Variants in ARSB observed in about 807,000 individuals in gnomAD.
ARSB encodes the protein N-acetylgalactosamine-4-sulfatase.
ARSB carries 41 observed loss-of-function variants against 50.9 expected under a neutral mutation model. The observed-to-expected ratio is 0.81, with a 90% CI of 0.63 to 1.04. The LOEUF is 1.04. Ranked by LOEUF, ARSB falls within the 50% of genes least tolerant of loss-of-function variation. The probability of loss-of-function intolerance (pLI) is 0.00; values close to 1 mark genes in which losing one functional copy is unlikely to be tolerated. For missense variants in ARSB, 672 were observed against 693.3 expected (o/e 0.97, Z 0.35); for synonymous variants, 269 against 284.8 (o/e 0.94, Z 0.56).
intron 6 of ARSB, among the ~76,000 whole-genome samples, chr5:78,830,793 C>T (rs1480306601): frequency 1.3e-5 from 2 of 152,120 alleles, no homozygotes; most frequent in Non-Finnish European, 2.9e-5. Context: ...TGATTGAGGG[C>T]ATGTAGCAAC....
In ARSB at chr5:78,891,953, G is replaced by A. The variant is rs375082696; in HGVS notation, c.899-6126C>T. Among the ~76,000 whole-genome samples the A allele has an allele frequency of 1.2e-4, 18 of 152,150 alleles. No individual in the cohort carries two copies. The East Asian group carries it at 1.5e-3, about 13-fold the overall frequency. On this transcript the variant is annotated intron_variant, in intron 4 of 7. Transcript: ENST00000264914. ...GAACTGAGAGGAGCTAAGCACTGTG[G>A]GTTTGGGCAAGTACTCAATCTCTGA...
intron 4 of ARSB, among the ~76,000 whole-genome samples, chr5:78,912,534 T>TA (rs375581736): frequency 6.6e-6 from 1 of 152,130 alleles, no homozygotes; most frequent in South Asian, 2.1e-4. Flanking sequence ...CTGTAGGAGG[T>TA]AAAAAGGAAC....
intron 4 of ARSB, among the ~76,000 whole-genome samples, chr5:78,926,894 T>A (rs337893): frequency 0.61 from 92,192 of 152,134 alleles, 28,402 homozygotes; most frequent in East Asian, 0.78. Flanking sequence ...GAAATTAATT[T>A]TTTTTGAGAC....
At chr5:78,966,770 G>A (rs1752223526) in intron 2 of ARSB, among the ~76,000 whole-genome samples, 1 of 152,082 alleles carries the variant, frequency 6.6e-6, no homozygotes, top group African/African-American at 2.4e-5. Context: ...CCAGAGTATA[G>A]ATATTGACTC....
intron 5 of ARSB, among the ~76,000 whole-genome samples, chr5:78,855,572 C>T (rs192825160): frequency 6.6e-6 from 1 of 152,294 alleles, no homozygotes; most frequent in Admixed American, 6.5e-5. Context: ...GAGCAAGACA[C>T]ATCCAGCCAT....
intron 4 of ARSB, among the ~76,000 whole-genome samples, chr5:78,946,972 C>T (rs1040707238): frequency 6.6e-6 from 1 of 152,078 alleles, no homozygotes; most frequent in Non-Finnish European, 1.5e-5. Flanking sequence ...AAAAATAAAT[C>T]CATACATCTA....
At chr5:78,873,640 C>A (rs187325342) in intron 5 of ARSB, among the ~76,000 whole-genome samples, 1 of 148,858 alleles carries the variant, frequency 6.7e-6, no homozygotes, top group Non-Finnish European at 1.5e-5. Flanking sequence ...GGACTACAGG[C>A]GCCCGCCACT....
intron 4 of ARSB, among the ~76,000 whole-genome samples, chr5:78,937,169 C>G (rs1036419467): frequency 1.3e-5 from 2 of 151,022 alleles, no homozygotes; most frequent in Non-Finnish European, 1.5e-5. Context: ...AAATGGAGTG[C>G]AAAAGATGAG....
intron 6 of ARSB, among the ~76,000 whole-genome samples, chr5:78,790,534 C>G (rs17218427): frequency 0.024 from 3,596 of 152,190 alleles, 69 homozygotes; most frequent in Non-Finnish European, 0.037. Context: ...AGTAGAATAT[C>G]TGTTATATTG....
At chr5:78,816,110 C>T in intron 6 of ARSB, 1 of 1,614,110 alleles carries the variant, frequency 6.2e-7, no homozygotes, top group East Asian at 2.2e-5. Context: ...AGCACTCAGG[C>T]CAGTCTGTAA....
At chr5:78,861,042 C>G (rs542068638) in intron 5 of ARSB, among the ~76,000 whole-genome samples, 4 of 152,202 alleles carry the variant, frequency 2.6e-5, no homozygotes, top group African/African-American at 9.7e-5. Context: ...GACACACACA[C>G]CCTCCCAAGA....
chr5:78,911,943 A>G (rs977792959), intron 4 of ARSB, among the ~76,000 whole-genome samples: 2 of 152,196 alleles, frequency 1.3e-5, no homozygotes, highest in Non-Finnish European at 2.9e-5. Flanking sequence ...TGAATTTGCA[A>G]TAATAATTTT....
At chr5:78,963,902 T>A (rs539136787) in intron 3 of ARSB, among the ~76,000 whole-genome samples, 1 of 152,272 alleles carries the variant, frequency 6.6e-6, no homozygotes, top group East Asian at 1.9e-4. Context: ...AGATCTAGAA[T>A]AGCAAAATAT....
At chr5:78,911,932 C>T (rs911790181) in intron 4 of ARSB, among the ~76,000 whole-genome samples, 6 of 152,106 alleles carry the variant, frequency 3.9e-5, no homozygotes, top group Admixed American at 3.3e-4. Context: ...TATTATTTGA[C>T]TGAATTTGCA....
At chr5:78,849,440 C>T (rs1169382757) in intron 5 of ARSB, among the ~76,000 whole-genome samples, 2 of 151,804 alleles carry the variant, frequency 1.3e-5, no homozygotes, top group Admixed American at 6.6e-5. Context: ...TGTTTTGGTA[C>T]CAGTACCATG....
intron 4 of ARSB, among the ~76,000 whole-genome samples, chr5:78,922,696 T>A (rs1000931142): frequency 4.0e-5 from 6 of 151,386 alleles, no homozygotes; most frequent in African/African-American, 1.5e-4. Context: ...CGGACTTTTG[T>A]CTTGCAGCTT....
chr5:78,862,709 C>G (rs1746504485), intron 5 of ARSB, among the ~76,000 whole-genome samples: 1 of 152,148 alleles, frequency 6.6e-6, no homozygotes, highest in Non-Finnish European at 1.5e-5. Flanking sequence ...GACTTCACGT[C>G]TAAAACACCA....
chr5:78,920,467 C>T (rs1025561365), intron 4 of ARSB, among the ~76,000 whole-genome samples: 1 of 152,174 alleles, frequency 6.6e-6, no homozygotes, highest in African/African-American at 2.4e-5. Flanking sequence ...ATCTGAGCAA[C>T]ACTTCAAACA....
intron 6 of ARSB, among the ~76,000 whole-genome samples, chr5:78,821,417 C>T (rs547939002): frequency 2.0e-5 from 3 of 152,250 alleles, no homozygotes; most frequent in African/African-American, 7.2e-5. Flanking sequence ...GGATTACAGG[C>T]GTGAGCCACT....
Sources: allele counts gnomAD v4.1 joint callset (sites outside exome capture counted in the v4.1 genomes callset), GRCh38; gene constraint gnomAD v4.1.1; transcripts MANE v1.5; gene names NCBI Gene and HGNC (gene_info 2026-07-23, HGNC 2026-07-21).